Variants in THSD4 observed in about 807,000 individuals in gnomAD.
THSD4 encodes thrombospondin type 1 domain containing 4, also known as thrombospondin type-1 domain-containing protein 4.
In THSD4, 69 loss-of-function variants were observed where a neutral mutation model predicts 119.0. That is an observed-to-expected ratio of 0.58 (90% CI 0.48 to 0.71). The LOEUF is 0.71. THSD4 is among the 30% of genes least tolerant of loss of function. The pLI is 0.00. For synonymous variants in THSD4, 524 were observed against 540.4 expected, an observed-to-expected ratio of 0.97 and a Z score of 0.42; for missense variants, 1,393 against 1,391.1, an observed-to-expected ratio of 1.00 and a Z score of -0.02.
chr15:71,583,268 G>A (rs1191602162), intron 7 of THSD4, among the ~76,000 whole-genome samples: 1 of 151,840 alleles, frequency 6.6e-6, no homozygotes, highest in South Asian at 2.1e-4. Flanking sequence ...TAATCTCTCC[G>A]CTTTCACTTC....
At chr15:71,546,482 A>G (rs2048839626) in intron 7 of THSD4, among the ~76,000 whole-genome samples, 1 of 152,132 alleles carries the variant, frequency 6.6e-6, no homozygotes, top group South Asian at 2.1e-4. Context: ...CCCCACTTTG[A>G]TGGTCTATGT....
At chr15:71,704,640 T>C (rs1030359598) in intron 8 of THSD4, among the ~76,000 whole-genome samples, 1 of 152,234 alleles carries the variant, frequency 6.6e-6, no homozygotes, top group Admixed American at 6.5e-5. Flanking sequence ...CCCTGTATTA[T>C]ATAATTCAGA....
chr15:71,739,839 T>C (rs535349199), intron 11 of THSD4, among the ~76,000 whole-genome samples: 4 of 151,734 alleles, frequency 2.6e-5, no homozygotes, highest in Non-Finnish European at 5.9e-5. Flanking sequence ...GCTTTTTTTT[T>C]TTCTTTTCCT....
chr15:71,156,218 G>A (rs1326919443), intron 3 of THSD4, among the ~76,000 whole-genome samples: 1 of 151,970 alleles, frequency 6.6e-6, no homozygotes, highest in East Asian at 1.9e-4. Context: ...TTGTATCTAA[G>A]TGTGAGCAAG....
intron 6 of THSD4, among the ~76,000 whole-genome samples, chr15:71,364,444 C>T (rs2045930377): frequency 6.6e-6 from 1 of 152,242 alleles, no homozygotes; most frequent in African/African-American, 2.4e-5. Context: ...TTTAGCTAGA[C>T]ATTAGCTATG....
Position 71,384,909 on chromosome 15 carries a change from G to C in THSD4, c.1016-26778G>C, listed in dbSNP as rs4777382. ...TGTTGAATGTTGGCCTTGGCTCTCAGATCCCCTTAACCAGCTTAGCCAATG... is the reference window on the plus strand; with the variant it reads ...TGTTGAATGTTGGCCTTGGCTCTCACATCCCCTTAACCAGCTTAGCCAATG... On this transcript the variant is annotated intron_variant, in intron 6 of 17. Transcript: ENST00000261862. 2.0e-5 allele frequency among the ~76,000 whole-genome samples: 3 copies of C among 152,308 alleles called. No homozygotes were observed. In the East Asian group the frequency reaches 5.8e-4, roughly 29 times the overall value.
chr15:71,750,613 A>C (rs2053430126), intron 14 of THSD4, among the ~76,000 whole-genome samples: 1 of 152,184 alleles, frequency 6.6e-6, no homozygotes, highest in African/African-American at 2.4e-5. Context: ...CCTTAGGCCC[A>C]CGATGGCCCC....
chr15:71,124,486 T>A lies in THSD4; in HGVS notation c.-80+8788T>A, dbSNP rs577528994. 3.5e-4 allele frequency among the ~76,000 whole-genome samples: 54 copies of A among 152,306 alleles called. 1 individual carries two copies. Among genetic ancestry groups the A allele is most frequent in the African/African-American group, 1.2e-3 (49 of 41,572 alleles). On this transcript the variant is annotated intron_variant, in intron 1 of 17. Transcript: ENST00000261862. Reference sequence around the variant, plus strand: ...TGTTTTAAATTGTAGGAAGAGTGAATGTTAAAATATCCTGATAGTCAACAA... The same window carrying A: ...TGTTTTAAATTGTAGGAAGAGTGAAAGTTAAAATATCCTGATAGTCAACAA...
chr15:71,274,992 ATTG>A, intron 6 of THSD4, among the ~76,000 whole-genome samples: 1 of 152,224 alleles, frequency 6.6e-6, no homozygotes, highest in Admixed American at 6.5e-5. Flanking sequence ...ACCCGATCCT[ATTG>A]TTTCTCTCTT....
chr15:71,394,075 A>AAT (rs202195174), intron 6 of THSD4, among the ~76,000 whole-genome samples: 21 of 77,828 alleles, frequency 2.7e-4, no homozygotes, highest in Non-Finnish European at 3.5e-4. Context: ...TCAGATACAC[A>AAT]ATATTTTTTT....
chr15:71,671,098 C>A (rs1367540895), intron 8 of THSD4, among the ~76,000 whole-genome samples: 2 of 152,184 alleles, frequency 1.3e-5, no homozygotes, highest in Non-Finnish European at 1.5e-5. Flanking sequence ...TACAGTCCCA[C>A]CAACAGTGTA....
chr15:71,497,963 G>T (rs991898451), intron 7 of THSD4, among the ~76,000 whole-genome samples: 2 of 152,162 alleles, frequency 1.3e-5, no homozygotes, highest in African/African-American at 2.4e-5. Context: ...TCAAAGTGTG[G>T]AATTAAATAT....
intron 7 of THSD4, among the ~76,000 whole-genome samples, chr15:71,553,923 T>A (rs2048973375): frequency 6.6e-6 from 1 of 152,118 alleles, no homozygotes; most frequent in African/African-American, 2.4e-5. Context: ...GATTTATAAA[T>A]ATTTTAAATT....
At chr15:71,451,538 G>A (rs887036854) in intron 7 of THSD4, among the ~76,000 whole-genome samples, 12 of 152,198 alleles carry the variant, frequency 7.9e-5, no homozygotes, top group African/African-American at 2.4e-4. Context: ...GCACACCAAA[G>A]TGGCATATTT....
At chr15:71,514,299 G>A (rs572020605) in intron 7 of THSD4, among the ~76,000 whole-genome samples, 6 of 152,312 alleles carry the variant, frequency 3.9e-5, no homozygotes, top group South Asian at 2.1e-4. Context: ...GATGGAAAGA[G>A]GCCCTTCCAT....
chr15:71,146,215 T>A (rs1448205678), intron 2 of THSD4, among the ~76,000 whole-genome samples: 1 of 152,126 alleles, frequency 6.6e-6, no homozygotes, highest in Non-Finnish European at 1.5e-5. Flanking sequence ...CATTCACCAG[T>A]TTTTGATTTG....
At chr15:71,727,450 C>T (rs571671209) in intron 8 of THSD4, among the ~76,000 whole-genome samples, 1 of 150,220 alleles carries the variant, frequency 6.7e-6, no homozygotes, top group Non-Finnish European at 1.5e-5. Flanking sequence ...AATCCCAGCA[C>T]TTTGGGAGGC....
intron 7 of THSD4, among the ~76,000 whole-genome samples, chr15:71,460,307 T>TTTTG (rs2047410670): frequency 7.2e-6 from 1 of 138,534 alleles, no homozygotes; most frequent in Non-Finnish European, 1.5e-5. Context: ...GTTGCCTGGT[T>TTTTG]TTTTTTTTTT....
At chr15:71,275,946 A>T (rs1422848671) in intron 6 of THSD4, among the ~76,000 whole-genome samples, 1 of 152,066 alleles carries the variant, frequency 6.6e-6, no homozygotes, top group East Asian at 1.9e-4. Context: ...TCCTTTGTAA[A>T]TTACCCAGTC....
Sources: gnomAD v4.1 joint callset for allele counts (sites outside exome capture counted in the v4.1 genomes callset) on GRCh38, gnomAD v4.1.1 for gene constraint, MANE v1.5 for transcripts, NCBI Gene and HGNC (gene_info 2026-07-23, HGNC 2026-07-21) for gene names.